The following DHX8 variants were observed in gnomAD, a reference collection of about 807,000 sequenced individuals.
DHX8 encodes ATP-dependent RNA helicase DHX8.
In DHX8, 67 loss-of-function variants were observed where a neutral mutation model predicts 140.7. That is an observed-to-expected ratio of 0.48 (90% confidence interval 0.39 to 0.58). The LOEUF (loss-of-function observed/expected upper bound fraction) is 0.58. Among genes scored for constraint, DHX8 ranks in the 20% least tolerant of loss-of-function variants. The probability of loss-of-function intolerance (pLI) is 0.00; values close to 1 mark genes in which losing one functional copy is unlikely to be tolerated. For missense variants in DHX8, 887 were observed against 1,550.7 expected (o/e 0.57, Z 7.19); for synonymous variants, 533 against 553.2 (o/e 0.96, Z 0.51).
chr17:43,499,986 A>G lies in DHX8; in HGVS notation c.1429A>G (p.Met477Val). The change falls in exon 11 of 23, where the codon ATG becomes GTG. Residue 477 changes from methionine (M) to valine (V), a missense_variant. By Grantham distance (21) the Met-to-Val change is conservative. Transcript: ENST00000262415. ...NPDGSLSQAAMMQSALAKERR... is the reference protein window; with the variant it reads ...NPDGSLSQAAVMQSALAKERR... ...AGACGGCTCCCTCTCCCAAGCAGCA[A>G]TGATGCAGAGTGCCTTGGCCAAAGA... is the stretch of plus-strand genomic sequence containing the variant. The G allele has an allele frequency of 6.2e-7, 1 of 1,614,178 alleles. No individual in the cohort carries two copies. Among genetic ancestry groups the G allele is most frequent in the Non-Finnish European group, 8.5e-7 (1 of 1,180,034 alleles).
chr17:43,524,704 A>G lies in DHX8; in HGVS notation c.*857A>G. On this transcript the variant is annotated 3_prime_UTR_variant, in exon 23 of 23. Transcript: ENST00000262415. Reference sequence around the variant, plus strand: ...CATTTCCTTTTGAAACATACTAAGTAACAACACAGCTTTTATTTTATTTTG... The same window carrying G: ...CATTTCCTTTTGAAACATACTAAGTGACAACACAGCTTTTATTTTATTTTG... 1.0e-6 allele frequency: 1 copy of G among 985,454 alleles called. No individual in the cohort carries two copies. The highest frequency in any genetic ancestry group is 4.7e-5 in the South Asian group (1 of 21,288). 61.0% of individuals were successfully genotyped at this position (985,454 alleles called of 1,614,324 possible).
downstream of DHX8, chr17:43,544,775 G>T: frequency 3.6e-6 from 2 of 550,734 alleles, no homozygotes; most frequent in South Asian, 4.9e-5. Flanking sequence ...TCAGGGTAGA[G>T]AAAATAAATA....
In DHX8 at chr17:43,517,292, C is replaced by T. The variant is rs768628521; in HGVS notation, c.2769C>T (p.Thr923=). 6.2e-7 allele frequency: 1 copy of T among 1,613,856 alleles called. No individual in the cohort carries two copies. ...LTTNVPEIQR[T]NLASTVLSLK... ...CCAACGTGCCGGAAATCCAGAGAAC[C>T]AACTTAGCAAGCACAGTGCTGTCAC... is the stretch of plus-strand genomic sequence containing the variant. The change falls in exon 18 of 23, where the codon ACC becomes ACT. Residue 923 remains threonine (T), a synonymous_variant. Coordinates refer to ENST00000262415, the MANE Select transcript of DHX8 (RefSeq NM_004941.3).
At chr17:43,505,405 C>G (rs1191162554) in intron 12 of DHX8, among the ~76,000 whole-genome samples, 2 of 149,966 alleles carry the variant, frequency 1.3e-5, no homozygotes, top group Non-Finnish European at 3.0e-5. Flanking sequence ...GAGACTCTGT[C>G]TAAAAAAAAA....
chr17:43,535,978 G>T (rs572565423), intron 2 of DHX8, among the ~76,000 whole-genome samples: 8 of 152,330 alleles, frequency 5.3e-5, no homozygotes, highest in African/African-American at 1.9e-4. Flanking sequence ...GGGTGTGGTT[G>T]TGCATGCCTG....
At chr17:43,526,436 C>G (rs968434834), downstream of DHX8, 4 of 1,531,974 alleles carry the variant, frequency 2.6e-6, no homozygotes, top group African/African-American at 2.7e-5. Context: ...TCAGGCTCCT[C>G]GGTCCAGGTT....
chr17:43,520,312 G>C, intron 19 of DHX8, 45 bp downstream of exon 19: 1 of 1,603,918 alleles, frequency 6.2e-7, no homozygotes. Context: ...AAGATTCCCT[G>C]GTCAGCCTTT....
intron 10 of DHX8, among the ~76,000 whole-genome samples, chr17:43,499,593 G>A (rs967027198): frequency 1.1e-4 from 17 of 152,046 alleles, no homozygotes; most frequent in Admixed American, 1.3e-4. Context: ...TCTTCTTTAG[G>A]CATACCTGAA....
Position 43,524,745 on chromosome 17 carries a change from CCT to C in DHX8, c.*899_*900del. 3.0e-6 allele frequency: 3 copies of C among 985,210 alleles called. No individual in the cohort carries two copies. The highest frequency in any genetic ancestry group is 3.6e-6 in the Non-Finnish European group (3 of 829,898). The allele number at this position is 985,210 out of a possible 1,614,324, so 61.0% of individuals were successfully genotyped here. On this transcript the variant is annotated 3_prime_UTR_variant, in exon 23 of 23. Coordinates refer to ENST00000262415, the MANE Select transcript of DHX8 (RefSeq NM_004941.3). ...TTTTATTTTGTTTTTATTTTTTTCC[CCT>C]GAGGTCCTGGATGGACTTTAACAAA... is the stretch of plus-strand genomic sequence containing the variant.
At chr17:43,498,446 C>CT (rs970920782) in intron 9 of DHX8, among the ~76,000 whole-genome samples, 1 of 147,960 alleles carries the variant, frequency 6.8e-6, no homozygotes, top group African/African-American at 2.5e-5. Flanking sequence ...TGCACCCGGC[C>CT]TTTTTTTTCT....
Position 43,524,802 on chromosome 17 carries a change from C to G in DHX8, c.*955C>G. 1.0e-6 allele frequency: 1 copy of G among 985,414 alleles called. No homozygotes were observed. Among genetic ancestry groups the G allele is most frequent in the Non-Finnish European group, 1.2e-6 (1 of 829,928 alleles). 61.0% of individuals were successfully genotyped at this position (985,414 alleles called of 1,614,324 possible). The stretch of plus-strand genomic sequence containing the variant: ...TTTTATGGTCAAAACCTCCCTTTCC[C>G]CACTCCAAACAGAAAACAAACATAA... On this transcript the variant is annotated 3_prime_UTR_variant, in exon 23 of 23. Transcript: ENST00000262415.
Position 43,524,666 on chromosome 17 carries a change from G to GTGCA in DHX8, c.*820_*823dup. On this transcript the variant is annotated 3_prime_UTR_variant, in exon 23 of 23. Transcript: ENST00000262415. ...TCCCTCCACCTCCCACATTCGCAAT[G>GTGCA]TGCAGCATGTCCCATTTCCTTTTGA... 2.0e-6 allele frequency: 2 copies of GTGCA among 985,464 alleles called. No individual in the cohort carries two copies. Among genetic ancestry groups the GTGCA allele is most frequent in the African/African-American group, 3.5e-5 (2 of 57,360 alleles). The allele number at this position is 985,464 out of a possible 1,614,324, so 61.0% of individuals were successfully genotyped here.
intron 3 of DHX8, 23 bp from the exon 4 acceptor site, chr17:43,491,142 T>C: frequency 7.6e-7 from 1 of 1,319,328 alleles, no homozygotes; most frequent in Non-Finnish European, 1.0e-6. Context: ...TTTTAACCCC[T>C]TCATGCTCTT....
At chr17:43,533,762 C>T (rs1249975130) in intron 2 of DHX8, 2 of 1,474,646 alleles carry the variant, frequency 1.4e-6, no homozygotes, top group Non-Finnish European at 9.2e-7. Context: ...TGTTGTCTAA[C>T]TTGCATCTCA....
rs186039637 is a variant in DHX8, at chr17:43,539,764, G to T, written c.*20+3266G>T. 7.9e-5 allele frequency among the ~76,000 whole-genome samples: 12 copies of T among 152,320 alleles called. No homozygotes were observed. In the East Asian group the frequency reaches 2.3e-3, roughly 29 times the overall value. ...ACACACAAGGCAACACTAGAGGCAG[G>T]TCCTCTCCAGGAAAGCACATCTCAC... On this transcript the variant is annotated intron_variant, in intron 3 of 3. Transcript: ENST00000589898.
intron 13 of DHX8, 119 bp downstream of exon 13, chr17:43,507,316 G>A: frequency 2.5e-6 from 3 of 1,214,238 alleles, no homozygotes; most frequent in East Asian, 4.9e-5. Flanking sequence ...AGGGAGAGAG[G>A]GTTCCCATTG....
rs954247069 is a variant in DHX8 at position 43,483,976 on chromosome 17, A to C, written c.-62A>C. ...CGCTGACCCGGAAGTGAAAGCTGGA[A>C]CCCGGCCGGAGTAGCTCTGAGCGCC... On this transcript the variant is annotated 5_prime_UTR_variant, in exon 1 of 23. Transcript: ENST00000262415. The C allele has an allele frequency of 2.3e-5, 36 of 1,582,442 alleles. No individual in the cohort carries two copies. The African/African-American group carries it at 4.9e-4, about 22-fold the overall frequency.
At chr17:43,510,801 C>T (rs1969784153) in intron 16 of DHX8, among the ~76,000 whole-genome samples, 1 of 152,106 alleles carries the variant, frequency 6.6e-6, no homozygotes, top group South Asian at 2.1e-4. Flanking sequence ...CTCTGCTCAG[C>T]CTCTGGAAAC....
At chr17:43,531,312 T>C (rs912097358), downstream of DHX8, among the ~76,000 whole-genome samples, 5 of 152,222 alleles carry the variant, frequency 3.3e-5, no homozygotes, top group African/African-American at 1.2e-4. Context: ...TTCCTGGGAC[T>C]GGCCCTCCTT....
Sources: gnomAD v4.1 joint callset for allele counts (sites outside exome capture counted in the v4.1 genomes callset) on GRCh38, gnomAD v4.1.1 for gene constraint, MANE v1.5 for transcripts, NCBI Gene and HGNC (gene_info 2026-07-23, HGNC 2026-07-21) for gene names.